The following KHDRBS2 variants were observed in gnomAD, a reference collection of about 807,000 sequenced individuals.
KHDRBS2 encodes KH domain-containing, RNA-binding, signal transduction-associated protein 2.
Under a neutral mutation model 44.3 loss-of-function variants are expected in KHDRBS2, and 26 were observed. The observed-to-expected ratio is 0.59, with a 90% CI of 0.43 to 0.81. KHDRBS2 has a LOEUF of 0.81. KHDRBS2 is among the 40% of genes least tolerant of loss of function. The pLI is 0.00. For synonymous variants in KHDRBS2, 194 were observed against 151.1 expected (o/e 1.28, Z -2.08); for missense variants, 476 against 433.1 (o/e 1.10, Z -0.88).
rs565663532 is a variant in KHDRBS2, at chr6:61,784,750, A to T, written c.811-51986T>A. Reference sequence around the variant, plus strand: ...ACTTAATTAAAAATGTTTTCTTAAAAAATTCTAAATCTACATGTATCCGTA... The same window carrying T: ...ACTTAATTAAAAATGTTTTCTTAAATAATTCTAAATCTACATGTATCCGTA... On this transcript the variant is annotated intron_variant, in intron 6 of 8. Coordinates refer to ENST00000281156, the MANE Select transcript of KHDRBS2 (RefSeq NM_152688.4). Among the ~76,000 whole-genome samples, 16 of 152,320 alleles carry T rather than the reference A, an allele frequency of 1.1e-4. No individual in the cohort carries two copies. The South Asian group carries it at 3.1e-3, about 30-fold the overall frequency.
chr6:61,772,002 G>A (rs1781002325), intron 6 of KHDRBS2, among the ~76,000 whole-genome samples: 1 of 152,048 alleles, frequency 6.6e-6, no homozygotes. Flanking sequence ...AGACCACAGT[G>A]CAATCAAACT....
chr6:62,174,181 T>C (rs1016878181), intron 2 of KHDRBS2, among the ~76,000 whole-genome samples: 23 of 151,858 alleles, frequency 1.5e-4, no homozygotes, highest in Non-Finnish European at 2.2e-4. Flanking sequence ...TCTCAAAAGC[T>C]CCTAGATCTG....
the KHDRBS2 span, among the ~76,000 whole-genome samples, chr6:61,601,934 A>G: frequency 6.6e-6 from 1 of 152,148 alleles, no homozygotes; most frequent in African/African-American, 2.4e-5. Context: ...GTCAAGGTTA[A>G]TGCTCCTTTT....
downstream of KHDRBS2, among the ~76,000 whole-genome samples, chr6:61,678,507 C>T (rs1277070206): frequency 6.6e-6 from 1 of 151,918 alleles, no homozygotes; most frequent in East Asian, 1.9e-4. Context: ...ACTACCCTGT[C>T]CCTTCCCTTT....
At chr6:62,163,757 A>G (rs1585017385) in intron 2 of KHDRBS2, among the ~76,000 whole-genome samples, 1 of 152,104 alleles carries the variant, frequency 6.6e-6, no homozygotes, top group East Asian at 1.9e-4. Flanking sequence ...GGGGGGCTTT[A>G]GGAAAACCAC....
chr6:62,266,226 T>C (rs546340546), intron 1 of KHDRBS2, among the ~76,000 whole-genome samples: 1 of 152,162 alleles, frequency 6.6e-6, no homozygotes, highest in South Asian at 2.1e-4. Context: ...TTGCAGTGTC[T>C]GCATTTGACT....
rs1387001604 is a variant in KHDRBS2, at chr6:61,955,473, TAC to T, written c.483+22591_483+22592del. Among the ~76,000 whole-genome samples the T allele has an allele frequency of 1.2e-3, 79 of 68,484 alleles. 17 individuals carry two copies. Among genetic ancestry groups the T allele is most frequent in the South Asian group, 2.7e-3 (5 of 1,842 alleles). The allele number at this position is 68,484 out of a possible 152,430, so 44.9% of individuals were successfully genotyped here. ...GTGTATATATACATATGTGTATATATACACATATGTATGTATGTATACATGTG... is the reference window on the plus strand; with the variant it reads ...GTGTATATATACATATGTGTATATATACATATGTATGTATGTATACATGTG... On this transcript the variant is annotated intron_variant, in intron 4 of 8. Transcript: ENST00000281156.
At chr6:61,933,821 A>G (rs1227310545) in intron 4 of KHDRBS2, among the ~76,000 whole-genome samples, 1 of 152,180 alleles carries the variant, frequency 6.6e-6, no homozygotes, top group Non-Finnish European at 1.5e-5. Flanking sequence ...AACCAATAAT[A>G]TGGATTGCTG....
At chr6:61,957,354 C>T (rs1457262361) in intron 4 of KHDRBS2, among the ~76,000 whole-genome samples, 1 of 152,192 alleles carries the variant, frequency 6.6e-6, no homozygotes, top group African/African-American at 2.4e-5. Context: ...TAACCTTAAA[C>T]TCTTGACTGC....
intron 6 of KHDRBS2, among the ~76,000 whole-genome samples, chr6:61,740,226 A>T (rs1775950847): frequency 6.6e-6 from 1 of 151,934 alleles, no homozygotes; most frequent in African/African-American, 2.4e-5. Flanking sequence ...TTTCAGATTG[A>T]TAAGCAGGTA....
the KHDRBS2 span, among the ~76,000 whole-genome samples, chr6:61,655,580 T>G: frequency 6.6e-6 from 1 of 152,036 alleles, no homozygotes; most frequent in African/African-American, 2.4e-5. Context: ...AAGACATATT[T>G]TTTTTCTGCT....
chr6:62,099,821 C>T (rs1467221793), intron 2 of KHDRBS2, among the ~76,000 whole-genome samples: 1 of 152,168 alleles, frequency 6.6e-6, no homozygotes, highest in African/African-American at 2.4e-5. Context: ...CACCTAATCA[C>T]CCAAGAACTC....
At chr6:62,072,442 AT>A (rs1262911691) in intron 2 of KHDRBS2, among the ~76,000 whole-genome samples, 1 of 151,994 alleles carries the variant, frequency 6.6e-6, no homozygotes, top group African/African-American at 2.4e-5. Context: ...AATGTTTCCA[AT>A]TTTTGCCCAT....
At chr6:61,782,394 C>G (rs1389281342) in intron 6 of KHDRBS2, among the ~76,000 whole-genome samples, 1 of 151,796 alleles carries the variant, frequency 6.6e-6, no homozygotes, top group Non-Finnish European at 1.5e-5. Context: ...TTTTGAAGGG[C>G]TCAAATATAG....
chr6:61,799,136 G>C (rs1785847389), intron 6 of KHDRBS2, among the ~76,000 whole-genome samples: 1 of 151,890 alleles, frequency 6.6e-6, no homozygotes, highest in Non-Finnish European at 1.5e-5. Context: ...GCAGTTCTTT[G>C]TCCCCAGGTA....
chr6:62,121,720 G>T (rs1807689995), intron 2 of KHDRBS2, among the ~76,000 whole-genome samples: 1 of 152,158 alleles, frequency 6.6e-6, no homozygotes, highest in East Asian at 1.9e-4. Flanking sequence ...CCTTCTACAA[G>T]ATATCACATG....
chr6:61,666,404 C>T, the KHDRBS2 span, among the ~76,000 whole-genome samples: 1 of 151,348 alleles, frequency 6.6e-6, no homozygotes, highest in African/African-American at 2.4e-5. Flanking sequence ...TTTCTAGACC[C>T]TTCCTTCTAC....
chr6:61,793,080 C>G (rs2127586190), intron 6 of KHDRBS2, among the ~76,000 whole-genome samples: 1 of 151,974 alleles, frequency 6.6e-6, no homozygotes, highest in South Asian at 2.1e-4. Context: ...GAAGAGAATG[C>G]TCAGAAACAG....
chr6:62,205,416 G>T (rs751729965), intron 1 of KHDRBS2, among the ~76,000 whole-genome samples: 1 of 152,044 alleles, frequency 6.6e-6, no homozygotes, highest in Non-Finnish European at 1.5e-5. Context: ...TTTCCTATTA[G>T]ATCCCCAAAT....
Sources: allele counts gnomAD v4.1 joint callset (sites outside exome capture counted in the v4.1 genomes callset), GRCh38; gene constraint gnomAD v4.1.1; transcripts MANE v1.5; gene names NCBI Gene and HGNC (gene_info 2026-07-23, HGNC 2026-07-21).